The following SLC9A9 variants were observed in gnomAD, a reference collection of about 807,000 sequenced individuals.
SLC9A9 encodes the protein sodium/hydrogen exchanger 9.
A neutral mutation model predicts 77.8 loss-of-function variants in SLC9A9; 62 were observed. The ratio of observed to expected loss-of-function variants is 0.80; its 90% confidence interval spans 0.65 to 0.98. The LOEUF (loss-of-function observed/expected upper bound fraction) is 0.98. Among genes scored for constraint, SLC9A9 ranks in the 50% least tolerant of loss-of-function variants. The pLI, the probability that SLC9A9 is intolerant of heterozygous loss-of-function variation, is 0.00. For missense variants in SLC9A9, 775 were observed against 774.9 expected (o/e 1.00, Z 0.00); for synonymous variants, 320 against 283.5 (o/e 1.13, Z -1.29).
chr3:143,532,836 TC>T (rs2036533097), intron 9 of SLC9A9, among the ~76,000 whole-genome samples: 1 of 152,182 alleles, frequency 6.6e-6, no homozygotes, highest in Admixed American at 6.5e-5. Flanking sequence ...ACCCAGGATC[TC>T]CCCTGTGATG....
chr3:143,696,062 A>G (rs1281681246), intron 4 of SLC9A9, among the ~76,000 whole-genome samples: 5 of 152,094 alleles, frequency 3.3e-5, no homozygotes, highest in Non-Finnish European at 7.4e-5. Flanking sequence ...TGTCAGATGG[A>G]TAGATCGCAA....
intron 14 of SLC9A9, among the ~76,000 whole-genome samples, chr3:143,340,501 T>A (rs2032064740): frequency 6.6e-6 from 1 of 152,222 alleles, no homozygotes. Flanking sequence ...GTAGTTGGAA[T>A]TTCTTAATGG....
Position 143,493,763 on chromosome 3 carries a change from A to G in SLC9A9, c.1205T>C (p.Leu402Pro). ...GCAGGCTCTGGCAACAAAAATTGCT[A>G]GCTGTAGATAAGCACAGGGAAACAT... ...FNALFILGAFLAIFVARACNI... is the reference protein window; with the variant it reads ...FNALFILGAFPAIFVARACNI... The change falls in exon 11 of 16, where the codon CTA becomes CCA. Residue 402 changes from leucine to proline, a missense_variant and splice_region_variant. Transcript: ENST00000316549. 1.2e-6 allele frequency: 2 copies of G among 1,606,092 alleles called. No individual in the cohort carries two copies. Among genetic ancestry groups the G allele is most frequent in the Non-Finnish European group, 1.7e-6 (2 of 1,172,702 alleles).
At chr3:143,404,867 GT>G in intron 12 of SLC9A9, among the ~76,000 whole-genome samples, 1 of 152,264 alleles carries the variant, frequency 6.6e-6, no homozygotes, top group East Asian at 1.9e-4. Context: ...TTTCTCCTTT[GT>G]TTTTAAGTCT....
intron 5 of SLC9A9, among the ~76,000 whole-genome samples, chr3:143,662,463 G>A (rs1283269533): frequency 6.6e-6 from 1 of 152,190 alleles, no homozygotes; most frequent in African/African-American, 2.4e-5. Context: ...TGGACAGTGG[G>A]CGCAGCCCAC....
intron 12 of SLC9A9, among the ~76,000 whole-genome samples, chr3:143,461,953 T>C (rs1248194889): frequency 6.6e-6 from 1 of 152,230 alleles, no homozygotes; most frequent in Non-Finnish European, 1.5e-5. Context: ...TATCTTTGTA[T>C]ACATATTTGT....
intron 6 of SLC9A9, among the ~76,000 whole-genome samples, chr3:143,640,917 G>C (rs758835440): frequency 3.9e-5 from 6 of 152,122 alleles, no homozygotes; most frequent in South Asian, 2.1e-4. Flanking sequence ...AGTCATCTGT[G>C]CACATAAAGA....
intron 14 of SLC9A9, among the ~76,000 whole-genome samples, chr3:143,332,029 G>A (rs921398740): frequency 2.0e-5 from 3 of 152,142 alleles, no homozygotes; most frequent in Non-Finnish European, 2.9e-5. Flanking sequence ...TGGAGTTAAG[G>A]TTTCATGCTT....
At chr3:143,834,464 T>G (rs2009516681) in intron 1 of SLC9A9, among the ~76,000 whole-genome samples, 1 of 152,108 alleles carries the variant, frequency 6.6e-6, no homozygotes, top group Non-Finnish European at 1.5e-5. Flanking sequence ...CCATTACTAT[T>G]CTTTCTACTT....
chr3:143,473,373 C>T (rs937091197), intron 11 of SLC9A9, among the ~76,000 whole-genome samples: 1 of 152,192 alleles, frequency 6.6e-6, no homozygotes, highest in African/African-American at 2.4e-5. Context: ...CAGAACCCCA[C>T]CCTACTTTTC....
intron 1 of SLC9A9, among the ~76,000 whole-genome samples, chr3:143,846,870 C>A (rs957663286): frequency 6.6e-6 from 1 of 151,832 alleles, no homozygotes; most frequent in African/African-American, 2.4e-5. Flanking sequence ...CCCATTAACT[C>A]GTCATTTAAC....
intron 8 of SLC9A9, among the ~76,000 whole-genome samples, chr3:143,554,257 C>T (rs948479202): frequency 1.4e-4 from 21 of 152,154 alleles, no homozygotes; most frequent in African/African-American, 5.1e-4. Flanking sequence ...AAGAACAGTG[C>T]TTGTTTAATT....
At chr3:143,796,188 C>T (rs772407413) in intron 3 of SLC9A9, among the ~76,000 whole-genome samples, 8 of 152,088 alleles carry the variant, frequency 5.3e-5, no homozygotes, top group Non-Finnish European at 1.2e-4. Flanking sequence ...ATAGTCAGGC[C>T]GTGCTCAAGT....
intron 11 of SLC9A9, among the ~76,000 whole-genome samples, chr3:143,483,026 G>T (rs1291233600): frequency 2.6e-5 from 4 of 152,200 alleles, no homozygotes; most frequent in African/African-American, 9.7e-5. Flanking sequence ...TTTAAAGAAG[G>T]TCTTAAAAAT....
chr3:143,819,673 G>C (rs957373651), intron 2 of SLC9A9, among the ~76,000 whole-genome samples: 2 of 152,152 alleles, frequency 1.3e-5, no homozygotes, highest in Admixed American at 1.3e-4. Context: ...ATTATAATTT[G>C]GGTGGGGCTG....
intron 1 of SLC9A9, among the ~76,000 whole-genome samples, chr3:143,841,165 T>C (rs902549717): frequency 6.6e-6 from 1 of 152,098 alleles, no homozygotes; most frequent in Non-Finnish European, 1.5e-5. Context: ...TTTCCTTATC[T>C]GTAATATGAA....
At chr3:143,426,442 C>T (rs1328925823) in intron 12 of SLC9A9, among the ~76,000 whole-genome samples, 2 of 152,100 alleles carry the variant, frequency 1.3e-5, no homozygotes, top group Admixed American at 1.3e-4. Flanking sequence ...TTGTGGAAAC[C>T]TATTGTTTCC....
chr3:143,285,829 A>G (rs1175796828), intron 14 of SLC9A9, among the ~76,000 whole-genome samples: 1 of 152,174 alleles, frequency 6.6e-6, no homozygotes, highest in Non-Finnish European at 1.5e-5. Flanking sequence ...TTTTTGCCAC[A>G]GGTGTCCAGG....
chr3:143,268,138 C>A (rs1937784872), intron 15 of SLC9A9, among the ~76,000 whole-genome samples: 1 of 152,204 alleles, frequency 6.6e-6, no homozygotes, highest in Non-Finnish European at 1.5e-5. Context: ...CAGCTGGACA[C>A]TTCTAAGGGT....
Sources: gnomAD v4.1 joint callset for allele counts (sites outside exome capture counted in the v4.1 genomes callset) on GRCh38, gnomAD v4.1.1 for gene constraint, MANE v1.5 for transcripts, NCBI Gene and HGNC (gene_info 2026-07-23, HGNC 2026-07-21) for gene names.